The following ZNF362 variants were observed in gnomAD, a reference collection of about 807,000 sequenced individuals.
ZNF362 encodes rotund homolog.
A neutral mutation model predicts 42.9 loss-of-function variants in ZNF362; 11 were observed. That is an observed-to-expected ratio of 0.26 (90% CI 0.16 to 0.42). The LOEUF is 0.42. Among genes scored for constraint, ZNF362 ranks in the 20% least tolerant of loss-of-function variants. The pLI, the probability that ZNF362 is intolerant of heterozygous loss-of-function variation, is 1.00. For synonymous variants in ZNF362, 255 were observed against 257.3 expected (o/e 0.99, Z 0.09); for missense variants, 362 against 576.2 (o/e 0.63, Z 3.81).
chr1:33,217,503 A>G, the ZNF362 span, among the ~76,000 whole-genome samples: 1 of 152,078 alleles, frequency 6.6e-6, no homozygotes, highest in African/African-American at 2.4e-5. Context: ...ACCCCACCTT[A>G]ATATCCCAAC....
the ZNF362 span, chr1:33,158,516 G>T: frequency 1.6e-6 from 1 of 633,034 alleles, no homozygotes; most frequent in Non-Finnish European, 2.9e-6. Flanking sequence ...GCCTGCTTGT[G>T]CTGCTTCTGG....
chr1:33,232,617 G>A, the ZNF362 span, among the ~76,000 whole-genome samples: 3 of 152,206 alleles, frequency 2.0e-5, no homozygotes, highest in African/African-American at 7.2e-5. Flanking sequence ...TGGCACTGCT[G>A]CATTCATCTA....
the ZNF362 span, among the ~76,000 whole-genome samples, chr1:33,233,851 C>A: frequency 6.6e-6 from 1 of 152,140 alleles, no homozygotes. Flanking sequence ...TCCATCACTT[C>A]CTAAATATGG....
At chr1:33,188,728 A>G in the ZNF362 span, among the ~76,000 whole-genome samples, 2 of 152,208 alleles carry the variant, frequency 1.3e-5, no homozygotes, top group Admixed American at 6.5e-5. Flanking sequence ...CGTGGCTTCC[A>G]TCCCTCTTAC....
chr1:33,210,121 G>A, the ZNF362 span, among the ~76,000 whole-genome samples: 1 of 152,136 alleles, frequency 6.6e-6, no homozygotes, highest in South Asian at 2.1e-4. Context: ...ATTCTGGTAT[G>A]TTGTGTCTTT....
At chr1:33,184,148 T>C in the ZNF362 span, among the ~76,000 whole-genome samples, 1 of 152,178 alleles carries the variant, frequency 6.6e-6, no homozygotes, top group Non-Finnish European at 1.5e-5. Context: ...GAATAAACTA[T>C]GCTCCTTGCT....
chr1:33,180,590 C>T, the ZNF362 span, among the ~76,000 whole-genome samples: 2 of 152,152 alleles, frequency 1.3e-5, no homozygotes, highest in African/African-American at 4.8e-5. Context: ...CTCAGCTACC[C>T]GGTTTAATAC....
intron 2 of ZNF362, among the ~76,000 whole-genome samples, chr1:33,275,751 C>T (rs1002135249): frequency 1.3e-5 from 2 of 152,144 alleles, no homozygotes; most frequent in Non-Finnish European, 2.9e-5. Context: ...ATGGAACCTA[C>T]GGGGTTGGCA....
At chr1:33,230,251 G>A in the ZNF362 span, among the ~76,000 whole-genome samples, 1 of 152,136 alleles carries the variant, frequency 6.6e-6, no homozygotes, top group Non-Finnish European at 1.5e-5. Context: ...ATTAAATCTG[G>A]AAAGTAAACC....
Position 33,280,425 on chromosome 1 carries a change from G to T in ZNF362, c.651G>T (p.Ser217=). The T allele has an allele frequency of 1.2e-6, 2 of 1,608,306 alleles. No homozygotes were observed. Among genetic ancestry groups the T allele is most frequent in the Non-Finnish European group, 1.7e-6 (2 of 1,177,062 alleles). The change falls in exon 5 of 9, where the codon TCG becomes TCT. Residue 217 remains serine, a synonymous_variant. Coordinates refer to ENST00000539719, the MANE Select transcript of ZNF362 (RefSeq NM_152493.3). This position sits in a 1 kb window ranked among gnomAD's most constrained non-coding sequence, Gnocchi z 5.6. ...TAGTCCCCTATCCCATCCTGGCCTC[G>T]GGCGAGACTGCCAAGGAGGGCAAGA... ...VLVVPYPILA[S]GETAKEGKTY...
chr1:33,251,934 CTG>C (rs1305866520), upstream of ZNF362, among the ~76,000 whole-genome samples: 3 of 152,252 alleles, frequency 2.0e-5, no homozygotes, highest in African/African-American at 7.2e-5. Context: ...CAGAGGAGCA[CTG>C]TATTTCCCAG....
At chr1:33,227,860 C>CT in the ZNF362 span, among the ~76,000 whole-genome samples, 1 of 150,924 alleles carries the variant, frequency 6.6e-6, no homozygotes, top group Non-Finnish European at 1.5e-5. Context: ...GGGAAGGGAT[C>CT]TTTTTTTTTT....
chr1:33,181,502 AG>A, the ZNF362 span: 1 of 1,488,860 alleles, frequency 6.7e-7, no homozygotes, highest in African/African-American at 1.4e-5. The surrounding 1 kb of genome is among the most constrained non-coding windows in gnomAD (Gnocchi z 6.5). Flanking sequence ...GCGCTGTCGG[AG>A]GCAGCACCGA....
chr1:33,236,550 A>AAAAAATATATATATATATATTATAT, the ZNF362 span, among the ~76,000 whole-genome samples: 1 of 5,970 alleles, frequency 1.7e-4, no homozygotes, highest in Non-Finnish European at 3.7e-4. Context: ...AAAAAAAAAA[A>AAAAAATATATATATATATATTATAT]ATATATATAT....
chr1:33,149,665 G>C, the ZNF362 span, among the ~76,000 whole-genome samples: 1 of 152,090 alleles, frequency 6.6e-6, no homozygotes. Flanking sequence ...ATGTTGGCCA[G>C]GCTGGTCTCG....
chr1:33,131,179 T>A, the ZNF362 span, among the ~76,000 whole-genome samples: 1 of 152,208 alleles, frequency 6.6e-6, no homozygotes, highest in African/African-American at 2.4e-5. Context: ...GGAATTCTCT[T>A]TCCTGAGTTT....
chr1:33,207,560 C>T, the ZNF362 span, among the ~76,000 whole-genome samples: 1 of 152,204 alleles, frequency 6.6e-6, no homozygotes, highest in South Asian at 2.1e-4. Context: ...AATTTACACT[C>T]CCATCAACAG....
At chr1:33,237,106 C>T in the ZNF362 span, among the ~76,000 whole-genome samples, 2 of 151,932 alleles carry the variant, frequency 1.3e-5, no homozygotes, top group African/African-American at 2.4e-5. Flanking sequence ...CACATCACAT[C>T]GTACCTCATA....
At chr1:33,208,321 G>T in the ZNF362 span, among the ~76,000 whole-genome samples, 1 of 152,076 alleles carries the variant, frequency 6.6e-6, no homozygotes, top group East Asian at 1.9e-4. Context: ...ATGCTGTTTT[G>T]GTTACTGTAG....
Sources: allele counts gnomAD v4.1 joint callset (sites outside exome capture counted in the v4.1 genomes callset), GRCh38; gene constraint gnomAD v4.1.1; non-coding constraint Gnocchi (gnomAD v3.1); transcripts MANE v1.5; gene names NCBI Gene and HGNC (gene_info 2026-07-23, HGNC 2026-07-21).